The following NEURL1 variants were observed in gnomAD, a reference collection of about 807,000 sequenced individuals.
NEURL1 encodes neuralized E3 ubiquitin protein ligase 1, also known as E3 ubiquitin-protein ligase NEURL1.
NEURL1 carries 26 observed loss-of-function variants against 41.2 expected under a neutral mutation model. The observed-to-expected ratio is 0.63, with a 90% confidence interval of 0.46 to 0.87. The LOEUF (loss-of-function observed/expected upper bound fraction) is 0.87, where lower values mean the gene tolerates loss of function less well. Among genes scored for constraint, NEURL1 ranks in the 40% least tolerant of loss-of-function variants. The pLI is 0.00. For missense variants in NEURL1, 761 were observed against 871.1 expected (o/e 0.87, Z 1.59); for synonymous variants, 400 against 402.3 (o/e 0.99, Z 0.07).
chr10:103,533,778 C>T (rs886338888), intron 1 of NEURL1, among the ~76,000 whole-genome samples: 18 of 152,262 alleles, frequency 1.2e-4, no homozygotes, highest in South Asian at 8.3e-4. Flanking sequence ...CCTTCTGATC[C>T]GCCCGCCTTG....
intron 1 of NEURL1, among the ~76,000 whole-genome samples, chr10:103,502,266 C>T (rs138145869): frequency 3.9e-4 from 59 of 152,242 alleles, no homozygotes; most frequent in African/African-American, 1.3e-3. Context: ...GTGTCTTAGT[C>T]GGCTTGTTCT....
rs986784677 is a variant in NEURL1 at position 103,545,475 on chromosome 10, G to T, written c.86-25397G>T. 6.6e-6 allele frequency among the ~76,000 whole-genome samples: 1 copy of T among 152,160 alleles called. No individual in the cohort carries two copies. The highest frequency in any genetic ancestry group is 2.1e-4 in the South Asian group (1 of 4,834). ...AGAGTTCCTTCCTGGACTCAGTGGGGATGAGAGCCACTGGCCTTTCCTGAG... is the reference window on the plus strand; with the variant it reads ...AGAGTTCCTTCCTGGACTCAGTGGGTATGAGAGCCACTGGCCTTTCCTGAG... On this transcript the variant is annotated intron_variant, in intron 1 of 5. Transcript: ENST00000369780. The surrounding 1 kb of genome is among the most constrained non-coding windows in gnomAD (Gnocchi z 4.5).
chr10:103,590,656 A>C lies in NEURL1; in HGVS notation c.*284A>C. 2 of 469,622 alleles carry C rather than the reference A, an allele frequency of 4.3e-6. No individual in the cohort carries two copies. Among genetic ancestry groups the C allele is most frequent in the Non-Finnish European group, 3.9e-6 (1 of 258,712 alleles). 29.1% of individuals were successfully genotyped at this position (469,622 alleles called of 1,614,324 possible). On this transcript the variant is annotated 3_prime_UTR_variant, in exon 6 of 6. Transcript: ENST00000369780. ...CTCCTCTCTGCATGCTGAGGGCTAA[A>C]TTGGGATCTCAGCCTGCCCTAATCT... is the stretch of plus-strand genomic sequence containing the variant.
In NEURL1 at chr10:103,545,093, G is replaced by T. The variant is rs935490741; in HGVS notation, c.86-25779G>T. On this transcript the variant is annotated intron_variant, in intron 1 of 5. Transcript: ENST00000369780. This position sits in a 1 kb window ranked among gnomAD's most constrained non-coding sequence, Gnocchi z 4.5. ...AGTTACTGGAAAGGGAAGAAAGGAA[G>T]GCGGCGGCAATGAGCCACGGATGAA... 2.0e-5 allele frequency among the ~76,000 whole-genome samples: 3 copies of T among 152,258 alleles called. No individual in the cohort carries two copies. Among genetic ancestry groups the T allele is most frequent in the Non-Finnish European group, 4.4e-5 (3 of 68,046 alleles).
intron 1 of NEURL1, among the ~76,000 whole-genome samples, chr10:103,531,505 G>A (rs2034569315): frequency 6.6e-6 from 1 of 151,742 alleles, no homozygotes; most frequent in African/African-American, 2.4e-5. Flanking sequence ...CTTCCAAAGT[G>A]CTGGGATTAC....
intron 1 of NEURL1, among the ~76,000 whole-genome samples, chr10:103,504,048 C>CAGTG (rs2033891809): frequency 6.6e-6 from 1 of 151,720 alleles, no homozygotes; most frequent in African/African-American, 2.4e-5. Context: ...GGCTGGAGTG[C>CAGTG]AGTGGCGCCA....
At chr10:103,561,153 TCC>T (rs1043151207) in intron 1 of NEURL1, among the ~76,000 whole-genome samples, 1 of 151,952 alleles carries the variant, frequency 6.6e-6, no homozygotes, top group Non-Finnish European at 1.5e-5. Context: ...GCAGCTGGCT[TCC>T]CCCCGAGGGA....
At chr10:103,589,987 C>T (rs920556276) in intron 5 of NEURL1, 147 bp from the exon 6 acceptor site, 14 of 868,722 alleles carry the variant, frequency 1.6e-5, no homozygotes, top group Non-Finnish European at 2.2e-5. Flanking sequence ...AGCCTCTTCC[C>T]TTGTGCCCTG....
chr10:103,535,073 G>A (rs917875709), intron 1 of NEURL1, among the ~76,000 whole-genome samples: 3 of 152,116 alleles, frequency 2.0e-5, no homozygotes, highest in Non-Finnish European at 4.4e-5. Flanking sequence ...CAGATCCCAG[G>A]GGATGAGGCA....
chr10:103,557,809 A>C (rs1592220633), intron 1 of NEURL1, among the ~76,000 whole-genome samples: 1 of 152,272 alleles, frequency 6.6e-6, no homozygotes, highest in East Asian at 1.9e-4. Flanking sequence ...GCTCCTTCCT[A>C]GGGGTGCCGT....
intron 1 of NEURL1, among the ~76,000 whole-genome samples, chr10:103,533,470 A>C (rs2034617327): frequency 6.7e-6 from 1 of 149,564 alleles, no homozygotes; most frequent in South Asian, 2.1e-4. Context: ...CCTAGGTTCA[A>C]GTGATTCTCC....
chr10:103,554,413 C>A (rs139492046), intron 1 of NEURL1, among the ~76,000 whole-genome samples: 2 of 152,090 alleles, frequency 1.3e-5, no homozygotes, highest in East Asian at 3.9e-4. Context: ...CATGTATATG[C>A]ACATTTGTGT....
intron 1 of NEURL1, among the ~76,000 whole-genome samples, chr10:103,560,877 GT>G (rs2035277592): frequency 6.6e-6 from 1 of 152,238 alleles, no homozygotes; most frequent in Admixed American, 6.5e-5. Context: ...TATTGATACT[GT>G]TTTAGTCATC....
chr10:103,520,641 A>G (rs930140414), intron 1 of NEURL1, among the ~76,000 whole-genome samples: 1 of 152,182 alleles, frequency 6.6e-6, no homozygotes. Flanking sequence ...GAGGCCTGAC[A>G]TTCCTGTCTT....
At chr10:103,555,474 C>T (rs2035131597) in intron 1 of NEURL1, 3 of 1,298,804 alleles carry the variant, frequency 2.3e-6, no homozygotes, top group Non-Finnish European at 3.1e-6. Flanking sequence ...CTGGGGAGGC[C>T]GGGCGGAGGG....
intron 1 of NEURL1, among the ~76,000 whole-genome samples, chr10:103,538,093 AT>A (rs2034734255): frequency 6.6e-6 from 1 of 151,596 alleles, no homozygotes; most frequent in Non-Finnish European, 1.5e-5. Flanking sequence ...TAATCCATTT[AT>A]TTATTTATTT....
intron 1 of NEURL1, among the ~76,000 whole-genome samples, chr10:103,505,525 C>G (rs2033926933): frequency 6.6e-6 from 1 of 152,150 alleles, no homozygotes; most frequent in Non-Finnish European, 1.5e-5. Flanking sequence ...GCTCTCAGCC[C>G]TGGCTAATTT....
At chr10:103,582,047 T>C (rs1343623760) in intron 3 of NEURL1, among the ~76,000 whole-genome samples, 1 of 152,150 alleles carries the variant, frequency 6.6e-6, no homozygotes, top group East Asian at 1.9e-4. Flanking sequence ...TTAAGAGCTC[T>C]GTTCTGAGGG....
chr10:103,533,783 G>T (rs183380558), intron 1 of NEURL1, among the ~76,000 whole-genome samples: 57 of 152,224 alleles, frequency 3.7e-4, no homozygotes, highest in South Asian at 4.2e-4. Flanking sequence ...TGATCCGCCC[G>T]CCTTGGCCTC....
Sources: allele counts gnomAD v4.1 joint callset (sites outside exome capture counted in the v4.1 genomes callset), GRCh38; gene constraint gnomAD v4.1.1; non-coding constraint Gnocchi (gnomAD v3.1); transcripts MANE v1.5; gene names NCBI Gene and HGNC (gene_info 2026-07-23, HGNC 2026-07-21).